Variants in SAMD12 observed in about 807,000 individuals in gnomAD.
SAMD12 encodes the protein sterile alpha motif domain containing 12, also known as sterile alpha motif domain-containing protein 12.
SAMD12 carries 9 observed loss-of-function variants against 15.0 expected under a neutral mutation model. That is an observed-to-expected ratio of 0.60 (90% CI 0.36 to 1.05). SAMD12 has a LOEUF of 1.05. Ranked by LOEUF, SAMD12 falls within the 50% of genes least tolerant of loss-of-function variation. The pLI, the probability that SAMD12 is intolerant of heterozygous loss-of-function variation, is 0.01. For synonymous variants in SAMD12, 86 were observed against 90.1 expected, an observed-to-expected ratio of 0.96 and a Z score of 0.25; for missense variants, 230 against 234.2, an observed-to-expected ratio of 0.98 and a Z score of 0.12.
chr8:118,175,610 T>C, the SAMD12 span, among the ~76,000 whole-genome samples: 1 of 152,126 alleles, frequency 6.6e-6, no homozygotes, highest in African/African-American at 2.4e-5. Flanking sequence ...AAAGATCTAA[T>C]ATCCAGAATC....
chr8:118,361,425 G>A (rs1439808660), intron 4 of SAMD12, among the ~76,000 whole-genome samples: 1 of 152,120 alleles, frequency 6.6e-6, no homozygotes, highest in Non-Finnish European at 1.5e-5. Context: ...GAATGAATAT[G>A]TTTATTCCAT....
chr8:118,494,994 C>T (rs1056111294), intron 2 of SAMD12, among the ~76,000 whole-genome samples: 3 of 152,170 alleles, frequency 2.0e-5, no homozygotes, highest in East Asian at 1.9e-4. Flanking sequence ...TCCCTATCTA[C>T]AGGCTGGGGA....
In SAMD12 at chr8:118,580,710, C is replaced by T. The variant is rs367844796; in HGVS notation, c.192+5G>A. 3.1e-5 allele frequency: 50 copies of T among 1,607,028 alleles called. 1 individual carries two copies. The highest frequency in any genetic ancestry group is 3.4e-5 in the Admixed American group (2 of 59,616). ...ATCTCCGTAATTAACTGGAATATTA[C>T]GCACCTTAGCCGTCTCAGCTTCTGC... is the stretch of plus-strand genomic sequence containing the variant. On this transcript the variant is annotated splice_donor_5th_base_variant and intron_variant, in intron 2 of 3. Coordinates refer to ENST00000314727, the MANE Select transcript of SAMD12 (RefSeq NM_207506.3).
intron 2 of SAMD12, among the ~76,000 whole-genome samples, chr8:118,523,085 T>A (rs916690760): frequency 3.3e-5 from 5 of 152,158 alleles, no homozygotes; most frequent in African/African-American, 1.2e-4. Flanking sequence ...ATTTCATATC[T>A]GAAAATAGCT....
At chr8:118,422,748 T>C (rs1469194796) in intron 3 of SAMD12, among the ~76,000 whole-genome samples, 2 of 152,102 alleles carry the variant, frequency 1.3e-5, no homozygotes, top group Admixed American at 6.5e-5. Context: ...GTTCTGTCTG[T>C]GAAAATTTAG....
intron 2 of SAMD12, among the ~76,000 whole-genome samples, chr8:118,472,076 A>G (rs1823814415): frequency 6.6e-6 from 1 of 152,032 alleles, no homozygotes; most frequent in African/African-American, 2.4e-5. Context: ...TCACGAGGTC[A>G]GGAGATCGAG....
At chr8:118,290,997 C>A (rs905963667) in intron 4 of SAMD12, among the ~76,000 whole-genome samples, 10 of 152,208 alleles carry the variant, frequency 6.6e-5, no homozygotes, top group Admixed American at 2.6e-4. Context: ...CTGGCCTGCT[C>A]CTCGCTTCAC....
chr8:118,388,715 G>A lies in SAMD12; in HGVS notation c.323-9015C>T, dbSNP rs138255893. On this transcript the variant is annotated intron_variant, in intron 3 of 3. Coordinates refer to ENST00000314727, the MANE Select transcript of SAMD12 (RefSeq NM_207506.3). ...ATATCTACATTTCTTTGCTGGGATC[G>A]TTATGGCCACTAAGAAGAAAGTTCT... Among the ~76,000 whole-genome samples the A allele has an allele frequency of 1.1e-4, 17 of 152,150 alleles. 1 individual carries two copies. Among genetic ancestry groups the A allele is most frequent in the Middle Eastern group, 3.4e-3 (1 of 294 alleles).
chr8:118,478,108 A>C (rs1288394969), intron 2 of SAMD12, among the ~76,000 whole-genome samples: 2 of 152,062 alleles, frequency 1.3e-5, no homozygotes, highest in Non-Finnish European at 2.9e-5. Context: ...TTTATATTCT[A>C]ATCACCATCC....
chr8:118,335,636 G>A (rs1346773877), intron 4 of SAMD12, among the ~76,000 whole-genome samples: 1 of 152,180 alleles, frequency 6.6e-6, no homozygotes, highest in Non-Finnish European at 1.5e-5. Context: ...CCTAGGGAAT[G>A]GTTAGCCATT....
chr8:118,140,953 T>G, the SAMD12 span, among the ~76,000 whole-genome samples: 4 of 152,232 alleles, frequency 2.6e-5, no homozygotes, highest in South Asian at 8.3e-4. Flanking sequence ...GAATAAGAGA[T>G]AAAGTTTTGT....
chr8:118,195,558 G>T (rs1347569817), exon 5 of SAMD12: 2 of 152,340 alleles, frequency 1.3e-5, no homozygotes, highest in African/African-American at 2.4e-5. Flanking sequence ...GCCTGATGCA[G>T]TTTACCATCT....
At chr8:118,615,653 G>A (rs2460967) in intron 1 of SAMD12, among the ~76,000 whole-genome samples, 121,268 of 152,144 alleles carry the variant, frequency 0.8, 49,852 homozygotes, top group Middle Eastern at 0.91. Flanking sequence ...CCCTACCCTT[G>A]TAATATGTCA....
chr8:118,461,323 T>C (rs1315638690), intron 2 of SAMD12, among the ~76,000 whole-genome samples: 1 of 152,266 alleles, frequency 6.6e-6, no homozygotes, highest in Non-Finnish European at 1.5e-5. Context: ...CTAGCAGTCC[T>C]TTAACAAAGG....
At chr8:118,527,170 T>C (rs965608045) in intron 2 of SAMD12, among the ~76,000 whole-genome samples, 2 of 152,208 alleles carry the variant, frequency 1.3e-5, no homozygotes, top group African/African-American at 2.4e-5. Flanking sequence ...GTCTGGATCA[T>C]TGCAGGAGCC....
rs117777306 is a variant in SAMD12, at chr8:118,441,867, A to G, written c.193-1906T>C. 5.6e-3 allele frequency among the ~76,000 whole-genome samples: 846 copies of G among 152,264 alleles called. 6 individuals carry two copies. The highest frequency in any genetic ancestry group is 0.01 in the Middle Eastern group (3 of 294). On this transcript the variant is annotated intron_variant, in intron 2 of 3. Coordinates refer to ENST00000314727, the MANE Select transcript of SAMD12 (RefSeq NM_207506.3). The stretch of plus-strand genomic sequence containing the variant: ...CTCTGGCACTGACCTTTGGAAACCA[A>G]CCACCATGTTGTGAGGAAGCCCAGG...
the SAMD12 span, among the ~76,000 whole-genome samples, chr8:118,174,659 A>C: frequency 6.6e-6 from 1 of 152,362 alleles, no homozygotes; most frequent in East Asian, 1.9e-4. Context: ...GTTCCACTGC[A>C]CAAAATAAAG....
At chr8:118,198,501 T>C (rs1352831762) in intron 4 of SAMD12, among the ~76,000 whole-genome samples, 1 of 152,148 alleles carries the variant, frequency 6.6e-6, no homozygotes, top group Non-Finnish European at 1.5e-5. Flanking sequence ...ATATCAGTAT[T>C]AGTTTCTAAT....
At chr8:118,195,111 A>G (rs1478432225) in exon 5 of SAMD12, 1 of 152,114 alleles carries the variant, frequency 6.6e-6, no homozygotes, top group Non-Finnish European at 1.5e-5. Context: ...CGTTCCTTTG[A>G]CTTAAAAAAA....
Sources: gnomAD v4.1 joint callset for allele counts (sites outside exome capture counted in the v4.1 genomes callset) on GRCh38, gnomAD v4.1.1 for gene constraint, MANE v1.5 for transcripts, NCBI Gene and HGNC (gene_info 2026-07-23, HGNC 2026-07-21) for gene names.